Variants in PRMT1 observed in about 807,000 individuals in gnomAD.
PRMT1 encodes protein arginine N-methyltransferase 1.
In PRMT1, 5 loss-of-function variants were observed where a neutral mutation model predicts 47.4. The observed-to-expected ratio is 0.11, with a 90% CI of 0.06 to 0.22. The LOEUF is 0.22. Among genes scored for constraint, PRMT1 ranks in the 10% least tolerant of loss-of-function variants. The probability of loss-of-function intolerance (pLI) is 1.00; values close to 1 mark genes in which losing one functional copy is unlikely to be tolerated. For synonymous variants in PRMT1, 227 were observed against 204.6 expected (o/e 1.11, Z -0.94); for missense variants, 249 against 518.4 (o/e 0.48, Z 5.05).
At chr19:49,676,340 A>T (rs1229906317), upstream of PRMT1, 1 of 152,242 alleles carries the variant, frequency 6.6e-6, no homozygotes, top group African/African-American at 2.4e-5. Flanking sequence ...AGCTTCATTC[A>T]ACTAGGAACT....
rs1461212803 is a variant in PRMT1 at position 49,680,182 on chromosome 19, C to T, written c.90+257C>T. 4 of 1,585,316 alleles carry T rather than the reference C, an allele frequency of 2.5e-6. No individual in the cohort carries two copies. The highest frequency in any genetic ancestry group is 3.4e-6 in the Non-Finnish European group (4 of 1,163,018). On this transcript the variant is annotated intron_variant, in intron 2 of 10. Coordinates refer to ENST00000454376, the MANE Select transcript of PRMT1 (RefSeq NM_001536.6). The surrounding 1 kb of genome is among the most constrained non-coding windows in gnomAD (Gnocchi z 4.2). Reference sequence around the variant, plus strand: ...TGTGTCTGCCCCCATTTTCCTTCCCCTCCCCTCCCCAGCTGTGGGCTGAGC... The same window carrying T: ...TGTGTCTGCCCCCATTTTCCTTCCCTTCCCCTCCCCAGCTGTGGGCTGAGC...
intron 5 of PRMT1, among the ~76,000 whole-genome samples, chr19:49,682,732 C>T (rs541970126): frequency 1.3e-5 from 2 of 150,752 alleles, no homozygotes; most frequent in East Asian, 2.0e-4. Context: ...CAGGATGTTG[C>T]GGCATCCGCT....
chr19:49,679,813 C>CCAGCCCTCCCA, intron 1 of PRMT1, 59 bp from the exon 2 acceptor site: 1 of 1,431,072 alleles, frequency 7.0e-7, no homozygotes. Context: ...GTTCCGCCAC[C>CCAGCCCTCCCA]CAGCCCTCCC....
At chr19:49,682,307 C>A in intron 5 of PRMT1, 48 bp downstream of exon 5, 2 of 1,585,036 alleles carry the variant, frequency 1.3e-6, no homozygotes, top group South Asian at 2.2e-5. Context: ...GGGGTGATGC[C>A]CTGCTTCCCC....
At chr19:49,677,094 T>G (rs955983886), upstream of PRMT1, 1 of 464,814 alleles carries the variant, frequency 2.2e-6, no homozygotes, top group African/African-American at 2.0e-5. Context: ...ACCCCTGACC[T>G]ATGATGGACG....
Position 49,680,192 on chromosome 19 carries a change from C to T in PRMT1, c.90+267C>T, listed in dbSNP as rs35791962. 67,629 of 1,592,688 alleles carry T rather than the reference C, an allele frequency of 0.042. 1,786 individuals carry two copies. The highest frequency in any genetic ancestry group is 0.052 in the Non-Finnish European group (60,680 of 1,167,226). ...CCCATTTTCCTTCCCCTCCCCTCCC[C>T]AGCTGTGGGCTGAGCTAGAGACGGG... On this transcript the variant is annotated intron_variant, in intron 2 of 10. Coordinates refer to ENST00000454376, the MANE Select transcript of PRMT1 (RefSeq NM_001536.6). The surrounding 1 kb of genome is among the most constrained non-coding windows in gnomAD (Gnocchi z 4.2).
chr19:49,682,960 G>GT (rs950763699), intron 5 of PRMT1, among the ~76,000 whole-genome samples: 2 of 151,644 alleles, frequency 1.3e-5, no homozygotes, highest in Admixed American at 1.3e-4. Context: ...TAATTTTTTT[G>GT]TTTTTTTAGT....
At position 49,685,399 on chromosome 19, in the gene PRMT1, T is replaced by G; in HGVS notation, c.759+362T>G. The G allele has an allele frequency of 8.2e-7, 1 of 1,219,056 alleles. No homozygotes were observed. Among genetic ancestry groups the G allele is most frequent in the Non-Finnish European group, 1.0e-6 (1 of 965,082 alleles). 75.5% of individuals were successfully genotyped at this position (1,219,056 alleles called of 1,614,324 possible). ...GCCAGGCTGGGCTCCGAGATGTGCC[T>G]GAGGTCCCAGCTACTCGGGAGGATC... is the stretch of plus-strand genomic sequence containing the variant. On this transcript the variant is annotated intron_variant, in intron 8 of 10. Coordinates refer to ENST00000454376, the MANE Select transcript of PRMT1 (RefSeq NM_001536.6). The surrounding 1 kb of genome is among the most constrained non-coding windows in gnomAD (Gnocchi z 4.7).
Position 49,681,988 on chromosome 19 carries a change from G to A in PRMT1, c.271G>A (p.Val91Met). 6.2e-7 allele frequency: 1 copy of A among 1,614,212 alleles called. No individual in the cohort carries two copies. Among genetic ancestry groups the A allele is most frequent in the East Asian group, 2.2e-5 (1 of 44,878 alleles). Residue 91 changes from valine (V) to methionine (M), a missense_variant, in exon 4 of 11, where the codon GTG (valine) becomes ATG (methionine). Physicochemically the swap from Val to Met is conservative, Grantham distance 21 (BLOSUM62 1). Around this residue, in one of 2 missense-constraint regions of PRMT1, gnomAD observed 190 missense variants for 456.7 expected, o/e 0.42. Coordinates refer to ENST00000454376, the MANE Select transcript of PRMT1 (RefSeq NM_001536.6). This position sits in a 1 kb window ranked among gnomAD's most constrained non-coding sequence, Gnocchi z 4.4. The part of the protein sequence containing the change: ...FHNRHLFKDK[V>M]VLDVGSGTGI... ...TAACCGGCACCTCTTCAAGGACAAG[G>A]TGGTGCTGGACGTCGGCTCGGGCAC... is the stretch of plus-strand genomic sequence containing the variant.
chr19:49,686,229 C>T lies in PRMT1; in HGVS notation c.896C>T (p.Thr299Ile). 6.2e-7 allele frequency: 1 copy of T among 1,604,346 alleles called. No individual in the cohort carries two copies. The highest frequency in any genetic ancestry group is 8.5e-7 in the Non-Finnish European group (1 of 1,175,426). Residue 299 changes from threonine (T) to isoleucine (I), a missense_variant, in exon 9 of 11, where the codon ACC becomes ATC. Transcript: ENST00000454376. ...GAGTTCACACGCTGCCACAAGAGGACCGGCTTCTCCACCAGTGAGGCGGGG... is the reference window on the plus strand; with the variant it reads ...GAGTTCACACGCTGCCACAAGAGGATCGGCTTCTCCACCAGTGAGGCGGGG... ...NIEFTRCHKR[T>I]GFSTSPESPY...
chr19:49,686,041 G>C, intron 8 of PRMT1, 52 bp from the exon 9 acceptor site: 1 of 1,577,840 alleles, frequency 6.3e-7, no homozygotes, highest in Non-Finnish European at 8.6e-7. Flanking sequence ...GGGAGGAGGG[G>C]ATGAAGCGAG....
intron 1 of PRMT1, 104 bp downstream of exon 1, chr19:49,677,420 G>T: frequency 9.8e-7 from 1 of 1,017,846 alleles, no homozygotes; most frequent in Non-Finnish European, 1.3e-6. Flanking sequence ...GGGGTTGGAG[G>T]TCCCCCGCCG....
intron 10 of PRMT1, among the ~76,000 whole-genome samples, chr19:49,687,070 C>G (rs191261237): frequency 6.6e-6 from 1 of 152,238 alleles, no homozygotes; most frequent in East Asian, 1.9e-4. Context: ...AGGCTGGGAG[C>G]AGGGCAGACA....
chr19:49,679,912 C>T lies in PRMT1; in HGVS notation c.77C>T (p.Pro26Leu). The T allele has an allele frequency of 2.5e-6, 4 of 1,612,682 alleles. No individual in the cohort carries two copies. The highest frequency in any genetic ancestry group is 2.2e-5 in the East Asian group (1 of 44,870). Residue 26 changes from proline to leucine, a missense_variant, in exon 2 of 11, where the codon CCG becomes CTG. By Grantham distance (98) the Pro-to-Leu change is moderately conservative. Coordinates refer to ENST00000454376, the MANE Select transcript of PRMT1 (RefSeq NM_001536.6). ...TTGGCTAATGGGATGAGCCTCCAGC[C>T]GCCTCTTGAAGAAGTAAATATCCTT... ...ATLANGMSLQ[P>L]PLEEVSCGQA... is the part of the protein sequence containing the mutation.
intron 9 of PRMT1, 60 bp downstream of exon 9, chr19:49,686,303 G>T (rs538402885): frequency 1.1e-5 from 16 of 1,518,486 alleles, no homozygotes; most frequent in Non-Finnish European, 1.4e-5. Flanking sequence ...GCGCACCCAC[G>T]TAGTGGAGGG....
At chr19:49,678,887 T>G (rs932343620) in intron 1 of PRMT1, among the ~76,000 whole-genome samples, 6 of 150,630 alleles carry the variant, frequency 4.0e-5, no homozygotes, top group Non-Finnish European at 7.4e-5. Flanking sequence ...AGCCACTTTT[T>G]TTTTTTTTTT....
chr19:49,686,481 G>GA lies in PRMT1; in HGVS notation c.911-123dup. The GA allele has an allele frequency of 5.7e-6, 7 of 1,236,974 alleles. No individual in the cohort carries two copies. In the South Asian group the frequency reaches 1.1e-4, roughly 19 times the overall value. The allele number at this position is 1,236,974 out of a possible 1,614,324, so 76.6% of individuals were successfully genotyped here. A position where few individuals can be genotyped will look rare whatever the true frequency, so the allele number is the denominator to read the frequency against. On this transcript the variant is annotated intron_variant, in intron 9 of 10. Transcript: ENST00000454376. ...CCTGTCTCCAAAGCTCAATGACAGG[G>GA]AGGTGACTCGCGGATAGCAGTCCCA...
chr19:49,688,183 G>T lies in PRMT1; in HGVS notation c.1054G>T (p.Asp352Tyr). Reference sequence around the variant, plus strand: ...GCAGCGGGACCTGGACTTCACCATCGACCTGGACTTCAAGGGCCAGCTGTG... The same window carrying T: ...GCAGCGGGACCTGGACTTCACCATCTACCTGGACTTCAAGGGCCAGCTGTG... ...KNNRDLDFTI[D>Y]LDFKGQLCEL... The change falls in exon 11 of 11, where the codon GAC becomes TAC. Residue 352 changes from aspartate (D) to tyrosine (Y), a missense_variant. Asp to Tyr is a radical substitution (Grantham distance 160). Coordinates refer to ENST00000454376, the MANE Select transcript of PRMT1 (RefSeq NM_001536.6). This position sits in a 1 kb window ranked among gnomAD's most constrained non-coding sequence, Gnocchi z 5.3. The T allele has an allele frequency of 6.2e-7, 1 of 1,613,758 alleles. No individual in the cohort carries two copies. The highest frequency in any genetic ancestry group is 8.5e-7 in the Non-Finnish European group (1 of 1,179,914).
intron 1 of PRMT1, 184 bp from the exon 2 acceptor site, chr19:49,679,688 C>G (rs532031997): frequency 1.6e-5 from 10 of 630,228 alleles, no homozygotes; most frequent in East Asian, 6.2e-5. Flanking sequence ...CCTTTCTTCT[C>G]CCCTCACTTT....
Sources: gnomAD v4.1 joint callset for allele counts (sites outside exome capture counted in the v4.1 genomes callset) on GRCh38, gnomAD v4.1.1 for gene constraint, gnomAD v4.1.1 regional missense constraint, Gnocchi (gnomAD v3.1) non-coding constraint, MANE v1.5 for transcripts, NCBI Gene and HGNC (gene_info 2026-07-23, HGNC 2026-07-21) for gene names.